The following LRRC14 variants were observed in gnomAD, a reference collection of about 807,000 sequenced individuals.
The protein encoded by LRRC14 is leucine-rich repeat-containing protein 14.
In LRRC14, 16 loss-of-function variants were observed where a neutral mutation model predicts 25.3. The observed-to-expected ratio is 0.63, with a 90% CI of 0.43 to 0.96. LRRC14 has a LOEUF of 0.96. Among genes scored for constraint, LRRC14 ranks in the 40% least tolerant of loss-of-function variants. The probability of loss-of-function intolerance (pLI) is 0.00; values close to 1 mark genes in which losing one functional copy is unlikely to be tolerated. For missense variants in LRRC14, 594 were observed against 660.5 expected (o/e 0.90, Z 1.10); for synonymous variants, 359 against 295.1 (o/e 1.22, Z -2.22).
chr8:144,518,362 C>CGG (rs1213458658), intron 1 of LRRC14: 1 of 152,210 alleles, frequency 6.6e-6, no homozygotes, highest in African/African-American at 2.4e-5. Context: ...AGGAGCCGGG[C>CGG]GGGGGCGTCT....
chr8:144,519,536 C>T, intron 1 of LRRC14, 79 bp from the exon 2 acceptor site: 1 of 604,826 alleles, frequency 1.7e-6, no homozygotes, highest in Non-Finnish European at 2.9e-6. Context: ...TGCCAGTTCA[C>T]TGCACCCAGC....
chr8:144,524,539 G>C lies in LRRC14; in HGVS notation c.*3061G>C, dbSNP rs760911024. The C allele has an allele frequency of 1.7e-5, 27 of 1,581,932 alleles. No individual in the cohort carries two copies. The Admixed American group carries it at 4.8e-4, about 28-fold the overall frequency. On this transcript the variant is annotated 3_prime_UTR_variant, in exon 4 of 4. Transcript: ENST00000292524. ...GCCAGGCCTACGAAGGCGCCGCTGC[G>C]CAAGCCGCGCAGCCGGTTGCTAGTG... is the stretch of plus-strand genomic sequence containing the variant.
In LRRC14 at chr8:144,524,939, C is replaced by A. The variant is rs770010100; in HGVS notation, c.*3461C>A. 48 of 1,505,770 alleles carry A rather than the reference C, an allele frequency of 3.2e-5. 1 individual carries two copies. The highest frequency in any genetic ancestry group is 4.7e-4 in the Middle Eastern group (2 of 4,284). 93.3% of individuals were successfully genotyped at this position (1,505,770 alleles called of 1,614,324 possible). ...CGGCGCGGAGCGGCAGTAGTAGCAG[C>A]AGCAGCGGCAGCAGTGCGGGGGCCC... On this transcript the variant is annotated 3_prime_UTR_variant, in exon 4 of 4. Coordinates refer to ENST00000292524, the MANE Select transcript of LRRC14 (RefSeq NM_014665.4).
In LRRC14 at chr8:144,524,731, G is replaced by T; in HGVS notation, c.*3253G>T. ...TGCAGGAACAGTGTCTGCAGGCCGG[G>T]GAAAGAGGAGGCGCTTACCCCGTTG... On this transcript the variant is annotated 3_prime_UTR_variant, in exon 4 of 4. Transcript: ENST00000292524. 6.9e-7 allele frequency: 1 copy of T among 1,442,952 alleles called. No individual in the cohort carries two copies. The highest frequency in any genetic ancestry group is 9.0e-7 in the Non-Finnish European group (1 of 1,105,178). 89.4% of individuals were successfully genotyped at this position (1,442,952 alleles called of 1,614,324 possible).
In LRRC14 at chr8:144,521,001, T is replaced by G; in HGVS notation, c.1005T>G (p.Ala335=). The stretch of plus-strand genomic sequence containing the variant: ...GCTTCCTGGCACGGAGCCCACATGC[T>G]GCCCACCTCAAGAAGTTGGACCTGA... ...DLRFLARSPH[A]AHLKKLDLSG... is the part of the protein sequence containing the mutation. The change falls in exon 4 of 4, where the codon GCT becomes GCG. Residue 335 remains alanine, a synonymous_variant. Coordinates refer to ENST00000292524, the MANE Select transcript of LRRC14 (RefSeq NM_014665.4). The G allele has an allele frequency of 6.2e-7, 1 of 1,613,174 alleles. No individual in the cohort carries two copies. The highest frequency in any genetic ancestry group is 8.5e-7 in the Non-Finnish European group (1 of 1,180,040).
Position 144,522,378 on chromosome 8 carries a change from C to T in LRRC14, c.*900C>T, listed in dbSNP as rs762555546. 817 of 1,359,056 alleles carry T rather than the reference C, an allele frequency of 6.0e-4. 3 individuals are homozygous for T. Among genetic ancestry groups the T allele is most frequent in the Non-Finnish European group, 4.2e-4 (450 of 1,062,094 alleles). The allele number at this position is 1,359,056 out of a possible 1,614,324, so 84.2% of individuals were successfully genotyped here. A position where few individuals can be genotyped will look rare whatever the true frequency, so the allele number is the denominator to read the frequency against. ...CCCGGCTCGCGCCCCACACACGGCT[C>T]AGCGCACACTGCGCGGCTTCCACCT... On this transcript the variant is annotated 3_prime_UTR_variant, in exon 4 of 4. Transcript: ENST00000292524.
At chr8:144,519,494 C>G in intron 1 of LRRC14, 121 bp from the exon 2 acceptor site, 1 of 589,158 alleles carries the variant, frequency 1.7e-6, no homozygotes, top group Non-Finnish European at 3.0e-6. Context: ...TCCTGTGCAT[C>G]TGGAGGGCTG....
In LRRC14 at chr8:144,521,139, G is replaced by A; in HGVS notation, c.1143G>A (p.Gln381=). Residue 381 remains glutamine (Q), a synonymous_variant, in exon 4 of 4, where the codon CAG becomes CAA. Coordinates refer to ENST00000292524, the MANE Select transcript of LRRC14 (RefSeq NM_014665.4). ...CTGAGTGTCAGCTCGCAGACACCCAGCTGTTGGCCACACTACCCATCCTGA... is the reference window on the plus strand; with the variant it reads ...CTGAGTGTCAGCTCGCAGACACCCAACTGTTGGCCACACTACCCATCCTGA... ...ELTECQLADT[Q]LLATLPILTQ... is the part of the protein sequence containing the mutation. 1.2e-6 allele frequency: 2 copies of A among 1,613,090 alleles called. No homozygotes were observed. The highest frequency in any genetic ancestry group is 1.1e-5 in the South Asian group (1 of 91,090).
Position 144,524,039 on chromosome 8 carries a change from T to G in LRRC14, c.*2561T>G. 1 of 1,531,108 alleles carries G rather than the reference T, an allele frequency of 6.5e-7. No homozygotes were observed. Among genetic ancestry groups the G allele is most frequent in the Middle Eastern group, 2.4e-4 (1 of 4,140 alleles). The allele number at this position is 1,531,108 out of a possible 1,614,324, so 94.8% of individuals were successfully genotyped here. ...CCCAGTTGCCTGATGTCAGAGCCCCTCCACACATGAGCCTGCTCCCTACTG... is the reference window on the plus strand; with the variant it reads ...CCCAGTTGCCTGATGTCAGAGCCCCGCCACACATGAGCCTGCTCCCTACTG... On this transcript the variant is annotated 3_prime_UTR_variant, in exon 4 of 4. Coordinates refer to ENST00000292524, the MANE Select transcript of LRRC14 (RefSeq NM_014665.4).
Position 144,522,530 on chromosome 8 carries a change from C to G in LRRC14, c.*1052C>G. 5.9e-6 allele frequency: 9 copies of G among 1,521,052 alleles called. No individual in the cohort carries two copies. The highest frequency in any genetic ancestry group is 7.9e-6 in the Non-Finnish European group (9 of 1,136,654). 94.2% of individuals were successfully genotyped at this position (1,521,052 alleles called of 1,614,324 possible). The stretch of plus-strand genomic sequence containing the variant: ...GGGCACGCGGAGTCCCGGCCCCGCC[C>G]CCTGTTCCGGGCCGCAGTCAGCGGG... On this transcript the variant is annotated 3_prime_UTR_variant, in exon 4 of 4. Coordinates refer to ENST00000292524, the MANE Select transcript of LRRC14 (RefSeq NM_014665.4).
Position 144,522,805 on chromosome 8 carries a change from C to T in LRRC14, c.*1327C>T. The T allele has an allele frequency of 6.5e-7, 1 of 1,534,932 alleles. No homozygotes were observed. The highest frequency in any genetic ancestry group is 8.7e-7 in the Non-Finnish European group (1 of 1,145,644). On this transcript the variant is annotated 3_prime_UTR_variant, in exon 4 of 4. Transcript: ENST00000292524. Reference sequence around the variant, plus strand: ...GCGCGATGGCCGCCGCAATGGCCGTCTGTGTGGCCACGCCCAGGGCGCGGA... The same window carrying T: ...GCGCGATGGCCGCCGCAATGGCCGTTTGTGTGGCCACGCCCAGGGCGCGGA...
chr8:144,522,926 G>T lies in LRRC14; in HGVS notation c.*1448G>T. The T allele has an allele frequency of 6.7e-7, 1 of 1,500,846 alleles. No homozygotes were observed. Among genetic ancestry groups the T allele is most frequent in the Non-Finnish European group, 8.8e-7 (1 of 1,134,680 alleles). The allele number at this position is 1,500,846 out of a possible 1,614,324, so 93.0% of individuals were successfully genotyped here. On this transcript the variant is annotated 3_prime_UTR_variant, in exon 4 of 4. Transcript: ENST00000292524. ...GGGCTGCTGCGGCTGCTGCCGGGACGCGTTGACCAGGAGCCGGAAGGGCAC... is the reference window on the plus strand; with the variant it reads ...GGGCTGCTGCGGCTGCTGCCGGGACTCGTTGACCAGGAGCCGGAAGGGCAC...
rs369924375 is a variant in LRRC14 at position 144,519,714 on chromosome 8, C to T, written c.-12C>T. The T allele has an allele frequency of 4.9e-5, 78 of 1,597,546 alleles. No homozygotes were observed. The African/African-American group carries it at 7.0e-4, about 14-fold the overall frequency. On this transcript the variant is annotated 5_prime_UTR_variant, in exon 2 of 4. Transcript: ENST00000292524. Reference sequence around the variant, plus strand: ...CCTCTCCTGCAGGTGGCCGTCTGCCCGGCCCAGCACCATGCACACGCTTGT... The same window carrying T: ...CCTCTCCTGCAGGTGGCCGTCTGCCTGGCCCAGCACCATGCACACGCTTGT...
At position 144,524,407 on chromosome 8, in the gene LRRC14, G is replaced by A. The variant is rs768154408; in HGVS notation, c.*2929G>A. On this transcript the variant is annotated 3_prime_UTR_variant, in exon 4 of 4. Coordinates refer to ENST00000292524, the MANE Select transcript of LRRC14 (RefSeq NM_014665.4). ...CCCTACAGGGCGAGGGGCCATAATGGAGTATCCCGCCCCTTTAGACCCCAG... is the reference window on the plus strand; with the variant it reads ...CCCTACAGGGCGAGGGGCCATAATGAAGTATCCCGCCCCTTTAGACCCCAG... The A allele has an allele frequency of 1.9e-6, 3 of 1,596,054 alleles. No individual in the cohort carries two copies. In the South Asian group the frequency reaches 3.3e-5, roughly 18 times the overall value.
In LRRC14 at chr8:144,522,405, T is replaced by C; in HGVS notation, c.*927T>C. 1 of 1,368,990 alleles carries C rather than the reference T, an allele frequency of 7.3e-7. No homozygotes were observed. The highest frequency in any genetic ancestry group is 9.4e-7 in the Non-Finnish European group (1 of 1,068,652). The allele number at this position is 1,368,990 out of a possible 1,614,324, so 84.8% of individuals were successfully genotyped here. On this transcript the variant is annotated 3_prime_UTR_variant, in exon 4 of 4. Transcript: ENST00000292524. ...GCGCACACTGCGCGGCTTCCACCTT[T>C]ACTGACGGAGCATGCGCGAGGCCGC...
rs745517257 is a variant in LRRC14, at chr8:144,523,054, C to T, written c.*1576C>T. On this transcript the variant is annotated 3_prime_UTR_variant, in exon 4 of 4. Coordinates refer to ENST00000292524, the MANE Select transcript of LRRC14 (RefSeq NM_014665.4). ...GCATGCCGCTGCCCGTGTCGGATGC[C>T]GAGTGTCCGCCCAGGCCCAGCAACC... 9 of 1,603,768 alleles carry T rather than the reference C, an allele frequency of 5.6e-6. No homozygotes were observed. The highest frequency in any genetic ancestry group is 7.6e-6 in the Non-Finnish European group (9 of 1,177,020).
chr8:144,519,685 A>C lies in LRRC14; in HGVS notation c.-41A>C, dbSNP rs1449310196. ...GCCTAGGGTCTCTCCTCCCTGCTGA[A>C]GTCCCTCTCCTGCAGGTGGCCGTCT... On this transcript the variant is annotated 5_prime_UTR_variant, in exon 2 of 4. Coordinates refer to ENST00000292524, the MANE Select transcript of LRRC14 (RefSeq NM_014665.4). 1 of 1,544,064 alleles carries C rather than the reference A, an allele frequency of 6.5e-7. No homozygotes were observed. Among genetic ancestry groups the C allele is most frequent in the Admixed American group, 1.9e-5 (1 of 52,526 alleles).
At position 144,520,235 on chromosome 8, in the gene LRRC14, C is replaced by T; in HGVS notation, c.330-3C>T. 2 of 1,606,016 alleles carry T rather than the reference C, an allele frequency of 1.2e-6. No individual in the cohort carries two copies. Among genetic ancestry groups the T allele is most frequent in the Non-Finnish European group, 8.5e-7 (1 of 1,179,522 alleles). On this transcript the variant is annotated splice_polypyrimidine_tract_variant and splice_region_variant and intron_variant, in intron 2 of 3. Transcript: ENST00000292524. ...CCCTTCCTCACACCATTCCTACTCCCAGGAAGCATGCGCTGCGGGTGCTGG... is the reference window on the plus strand; with the variant it reads ...CCCTTCCTCACACCATTCCTACTCCTAGGAAGCATGCGCTGCGGGTGCTGG...
rs1816228194 is a variant in LRRC14, at chr8:144,523,726, T to C, written c.*2248T>C. On this transcript the variant is annotated 3_prime_UTR_variant, in exon 4 of 4. Coordinates refer to ENST00000292524, the MANE Select transcript of LRRC14 (RefSeq NM_014665.4). ...GTTTTTAGGAACCTGGGCGTCCACA[T>C]AGACATCTCACCAGCACTGAAACCT... 2.4e-6 allele frequency: 1 copy of C among 412,802 alleles called. No homozygotes were observed. Among genetic ancestry groups the C allele is most frequent in the Non-Finnish European group, 4.3e-6 (1 of 233,294 alleles). 25.6% of individuals were successfully genotyped at this position (412,802 alleles called of 1,614,324 possible). A position where few individuals can be genotyped will look rare whatever the true frequency, so the allele number is the denominator to read the frequency against.
Sources: allele counts gnomAD v4.1 joint callset, GRCh38; gene constraint gnomAD v4.1.1; transcripts MANE v1.5; gene names NCBI Gene and HGNC (gene_info 2026-07-23, HGNC 2026-07-21).